Variants in FRMPD4 observed in about 807,000 individuals in gnomAD.
FRMPD4 encodes the protein FERM and PDZ domain-containing protein 4.
Under a neutral mutation model 94.1 loss-of-function variants are expected in FRMPD4, and 22 were observed. The ratio of observed to expected loss-of-function variants is 0.23; its 90% CI spans 0.17 to 0.33. The LOEUF (loss-of-function observed/expected upper bound fraction) is 0.33, where lower values mean the gene tolerates loss of function less well. Ranked by LOEUF, FRMPD4 falls within the 10% of genes least tolerant of loss-of-function variation. The pLI is 1.00. For missense variants in FRMPD4, 1,111 were observed against 1,339.9 expected, an observed-to-expected ratio of 0.83 and a Z score of 2.67; for synonymous variants, 631 against 548.6, an observed-to-expected ratio of 1.15 and a Z score of -2.10.
chrX:12,203,587 C>T (rs1035745164), intron 1 of FRMPD4, among the ~76,000 whole-genome samples: 6 of 112,002 alleles, frequency 5.4e-5, no homozygotes, highest in African/African-American at 1.6e-4. Flanking sequence ...ACTTTCAGCC[C>T]TAGTGATACT....
chrX:12,300,098 G>A (rs1371463191), intron 1 of FRMPD4, among the ~76,000 whole-genome samples: 2 of 111,768 alleles, frequency 1.8e-5, no homozygotes, highest in Admixed American at 9.5e-5. Flanking sequence ...GAGGAGGGTC[G>A]GGGAGGGAGC....
chrX:12,667,696 T>C (rs532112207), intron 4 of FRMPD4, among the ~76,000 whole-genome samples: 1 of 112,011 alleles, frequency 8.9e-6, no homozygotes, highest in South Asian at 3.7e-4. Context: ...AATGAAATCA[T>C]AAAATGGTAT....
At chrX:11,921,852 A>C (rs2054058365) in intron 3 of FRMPD4, among the ~76,000 whole-genome samples, 1 of 112,274 alleles carries the variant, frequency 8.9e-6, no homozygotes, top group East Asian at 2.8e-4. Flanking sequence ...GTATCATAAA[A>C]ATTTGTTTCT....
chrX:12,083,479 G>C (rs190977760), intron 3 of FRMPD4, among the ~76,000 whole-genome samples: 2 of 113,107 alleles, frequency 1.8e-5, no homozygotes, highest in Non-Finnish European at 3.7e-5. Context: ...TGCTAGGGCA[G>C]TGTGGAAGGG....
chrX:12,548,061 C>A (rs1343722697), intron 2 of FRMPD4, among the ~76,000 whole-genome samples: 1 of 111,855 alleles, frequency 8.9e-6, no homozygotes, highest in African/African-American at 3.2e-5. Context: ...CTTGTTAATT[C>A]TCAAACAGGG....
chrX:12,016,280 G>T (rs2054604361), intron 3 of FRMPD4, among the ~76,000 whole-genome samples: 5 of 111,933 alleles, frequency 4.5e-5, no homozygotes, highest in African/African-American at 1.6e-4. Context: ...TATGAGGTCT[G>T]TGGGCTATCT....
chrX:12,707,874 T>A (rs1281723521), intron 13 of FRMPD4, among the ~76,000 whole-genome samples: 1 of 112,372 alleles, frequency 8.9e-6, no homozygotes. Context: ...TCAATTTTTT[T>A]ATTCATACGT....
chrX:12,332,205 TATAGAGAGAGAGAG>T (rs1260505547), intron 1 of FRMPD4, among the ~76,000 whole-genome samples: 1,129 of 65,967 alleles, frequency 0.017, 33 homozygotes, highest in Middle Eastern at 0.036. Flanking sequence ...TATATATATA[TATAGAGAGAGAGAG>T]AGAGAGAGAG....
intron 3 of FRMPD4, among the ~76,000 whole-genome samples, chrX:11,914,715 A>G (rs1264221435): frequency 1.8e-5 from 2 of 112,590 alleles, no homozygotes; most frequent in Non-Finnish European, 3.7e-5. Context: ...TGAAGCAAAC[A>G]AACAACCCTG....
intron 1 of FRMPD4, among the ~76,000 whole-genome samples, chrX:12,440,887 G>A (rs1035490688): frequency 4.5e-5 from 5 of 111,133 alleles, no homozygotes; most frequent in Non-Finnish European, 9.4e-5. Flanking sequence ...AGATAGTGAA[G>A]GGCCCTACTC....
rs772610150 is a variant in FRMPD4 at position 12,454,820 on chromosome X, T to G, written c.42-43860T>G. Among the ~76,000 whole-genome samples, 446 of 106,990 alleles carry G rather than the reference T, an allele frequency of 4.2e-3. 1 individual carries two copies. The highest frequency in any genetic ancestry group is 6.6e-3 in the Non-Finnish European group (338 of 51,521). 92.9% of individuals were successfully genotyped at this position (106,990 alleles called of 115,157 possible). A position where few individuals can be genotyped will look rare whatever the true frequency, so the allele number is the denominator to read the frequency against. On this transcript the variant is annotated intron_variant, in intron 1 of 16. Coordinates refer to ENST00000675598, the MANE Select transcript of FRMPD4 (RefSeq NM_001368397.1). ...GTTTGGAGTTAGAAAGCCACGTTTTTTTTTTTTTTTTAAAGCTCTACCTAT... is the reference window on the plus strand; with the variant it reads ...GTTTGGAGTTAGAAAGCCACGTTTTGTTTTTTTTTTTAAAGCTCTACCTAT...
At chrX:12,678,318 C>T (rs1420545676) in intron 5 of FRMPD4, among the ~76,000 whole-genome samples, 8 of 112,235 alleles carry the variant, frequency 7.1e-5, no homozygotes, top group African/African-American at 2.6e-4. Context: ...GTTAGTATTT[C>T]CCCAGGATGG....
chrX:12,627,473 C>T (rs2059357751), intron 4 of FRMPD4, among the ~76,000 whole-genome samples: 1 of 111,747 alleles, frequency 8.9e-6, no homozygotes, highest in African/African-American at 3.3e-5. Flanking sequence ...TTGCAGCATA[C>T]ACGTTTTCTG....
At chrX:11,967,734 ATGTG>A (rs1169732749) in intron 3 of FRMPD4, among the ~76,000 whole-genome samples, 1 of 90,503 alleles carries the variant, frequency 1.1e-5, no homozygotes, top group Non-Finnish European at 2.1e-5. Context: ...TTCTAGGCAG[ATGTG>A]TGTGTGTGTG....
At chrX:12,320,766 T>C (rs1601815983) in intron 1 of FRMPD4, among the ~76,000 whole-genome samples, 1 of 111,572 alleles carries the variant, frequency 9.0e-6, no homozygotes, top group Non-Finnish European at 1.9e-5. Context: ...TTAAAAGCGA[T>C]ACTGTAAAAT....
upstream of FRMPD4, among the ~76,000 whole-genome samples, chrX:12,136,921 AC>A (rs1948534505): frequency 9.2e-6 from 1 of 108,348 alleles, no homozygotes; most frequent in African/African-American, 3.3e-5. Context: ...ACACACACAC[AC>A]ACATACACAC....
At chrX:12,490,683 T>C (rs2057784363) in intron 1 of FRMPD4, among the ~76,000 whole-genome samples, 1 of 111,742 alleles carries the variant, frequency 8.9e-6, no homozygotes, top group Non-Finnish European at 1.9e-5. Flanking sequence ...ATAAGGAACC[T>C]GGTTAAGCTC....
chrX:12,466,022 T>C (rs1264308398), intron 1 of FRMPD4, among the ~76,000 whole-genome samples: 1 of 111,519 alleles, frequency 9.0e-6, no homozygotes, highest in African/African-American at 3.3e-5. Flanking sequence ...GAGTTTTCTT[T>C]CTACCAGGCT....
At chrX:12,336,470 G>A (rs746811300) in intron 1 of FRMPD4, among the ~76,000 whole-genome samples, 4 of 111,436 alleles carry the variant, frequency 3.6e-5, no homozygotes, top group Non-Finnish European at 7.5e-5. Flanking sequence ...AACTGTCCTA[G>A]ACAACCCCTT....
Sources: gnomAD v4.1 joint callset for allele counts (sites outside exome capture counted in the v4.1 genomes callset) on GRCh38, gnomAD v4.1.1 for gene constraint, MANE v1.5 for transcripts, NCBI Gene and HGNC (gene_info 2026-07-23, HGNC 2026-07-21) for gene names.